The following ULK1 variants were observed in gnomAD, a reference collection of about 807,000 sequenced individuals.
ULK1 encodes the protein unc-51 like autophagy activating kinase 1.
Under a neutral mutation model 117.5 loss-of-function variants are expected in ULK1, and 48 were observed. The ratio of observed to expected loss-of-function variants is 0.41; its 90% CI spans 0.32 to 0.52. The LOEUF (loss-of-function observed/expected upper bound fraction) is 0.52. Among genes scored for constraint, ULK1 ranks in the 20% least tolerant of loss-of-function variants. The pLI, the probability that ULK1 is intolerant of heterozygous loss-of-function variation, is 0.29. For missense variants in ULK1, 1,387 were observed against 1,473.4 expected, an observed-to-expected ratio of 0.94 and a Z score of 0.96; for synonymous variants, 790 against 637.8, an observed-to-expected ratio of 1.24 and a Z score of -3.60.
chr12:131,906,675 T>C, intron 3 of ULK1: 1 of 611,398 alleles, frequency 1.6e-6, no homozygotes, highest in Non-Finnish European at 2.9e-6. Flanking sequence ...CCAGGGGCCT[T>C]TGCCTTGATC....
chr12:131,919,968 G>A lies in ULK1; in HGVS notation c.2804-11G>A, dbSNP rs368209587. Reference sequence around the variant, plus strand: ...GCTGCACCCTGAGCTGACCACCCTCGTCCTTTGCAGTGGTGCGCAGGCTGA... The same window carrying A: ...GCTGCACCCTGAGCTGACCACCCTCATCCTTTGCAGTGGTGCGCAGGCTGA... On this transcript the variant is annotated splice_polypyrimidine_tract_variant and intron_variant, in intron 25 of 27. Coordinates refer to ENST00000321867, the MANE Select transcript of ULK1 (RefSeq NM_003565.4). 62 of 1,610,656 alleles carry A rather than the reference G, an allele frequency of 3.8e-5. No individual in the cohort carries two copies. Among genetic ancestry groups the A allele is most frequent in the Admixed American group, 1.3e-4 (8 of 59,938 alleles).
rs765947806 is a variant in ULK1 at position 131,917,538 on chromosome 12, C to G, written c.2310C>G (p.Arg770=). The G allele has an allele frequency of 1.4e-6, 2 of 1,439,266 alleles. No individual in the cohort carries two copies. The highest frequency in any genetic ancestry group is 5.2e-5 in the Admixed American group (2 of 38,412). The allele number at this position is 1,439,266 out of a possible 1,614,324, so 89.2% of individuals were successfully genotyped here. A position where few individuals can be genotyped will look rare whatever the true frequency, so the allele number is the denominator to read the frequency against. Residue 770 remains arginine, a synonymous_variant, in exon 22 of 28, where the codon CGC becomes CGG. Transcript: ENST00000321867. ...PSGSTPPQGP[R]TRMFSAGPTG... ...GGAGCACGCCCCCCCAGGGCCCCCG[C>G]ACCAGGATGTTCTCAGGTGAGGGCT...
rs1890152106 is a variant in ULK1 at position 131,921,555 on chromosome 12, C to T, written c.*194C>T. 2 of 765,210 alleles carry T rather than the reference C, an allele frequency of 2.6e-6. No individual in the cohort carries two copies. The highest frequency in any genetic ancestry group is 2.6e-5 in the East Asian group (1 of 38,770). The allele number at this position is 765,210 out of a possible 1,614,324, so 47.4% of individuals were successfully genotyped here. On this transcript the variant is annotated 3_prime_UTR_variant, in exon 28 of 28. Transcript: ENST00000321867. ...AACCAGCACATCTGGAGCCACACAG[C>T]TTGGGGGGTGTCTCCCATCTTTTAC...
chr12:131,899,891 G>A (rs543232080), intron 3 of ULK1, among the ~76,000 whole-genome samples: 34 of 152,266 alleles, frequency 2.2e-4, no homozygotes, highest in African/African-American at 7.7e-4. Context: ...AGGCTGAGGC[G>A]GGTGGATCAT....
At chr12:131,916,349 A>G (rs1889782247) in intron 19 of ULK1, 49 bp from the exon 20 acceptor site, 3 of 1,526,696 alleles carry the variant, frequency 2.0e-6, no homozygotes, top group Non-Finnish European at 2.6e-6. Context: ...ACCGGGCCCC[A>G]GGGCTGCAGA....
At chr12:131,918,253 T>G in intron 22 of ULK1, 1 of 564,020 alleles carries the variant, frequency 1.8e-6, no homozygotes, top group Non-Finnish European at 3.1e-6. Context: ...GGTCCCTTGG[T>G]GGGCACCGCA....
At position 131,912,081 on chromosome 12, in the gene ULK1, A is replaced by C; in HGVS notation, c.1088A>C (p.Gln363Pro). 2 of 1,611,766 alleles carry C rather than the reference A, an allele frequency of 1.2e-6. No individual in the cohort carries two copies. Among genetic ancestry groups the C allele is most frequent in the Non-Finnish European group, 8.5e-7 (1 of 1,179,392 alleles). The change falls in exon 13 of 28, where the codon CAG becomes CCG. Residue 363 changes from glutamine to proline, a missense_variant. Gln to Pro is a moderately conservative substitution (Grantham distance 76, BLOSUM62 -1). Around this residue, in one of 4 missense-constraint regions of ULK1, gnomAD observed 260 missense variants for 271.6 expected, o/e 0.96. Transcript: ENST00000321867. The part of the protein sequence containing the change: ...DTDDFVMVPA[Q>P]FPGDLVAEAP... ...GACGACTTCGTCATGGTCCCCGCGC[A>C]GTTTCCAGGTCAGGGGGCACGCTGG...
intron 15 of ULK1, 151 bp from the exon 16 acceptor site, chr12:131,914,201 C>T (rs554256347): frequency 1.6e-5 from 21 of 1,283,838 alleles, no homozygotes; most frequent in Admixed American, 2.3e-5. Flanking sequence ...GCATGGAAGC[C>T]GGCTCTTTTC....
intron 12 of ULK1, among the ~76,000 whole-genome samples, chr12:131,911,297 G>A (rs1385232370): frequency 6.6e-6 from 1 of 152,214 alleles, no homozygotes; most frequent in Admixed American, 6.5e-5. Context: ...TGGTGGTGAT[G>A]AGTTCATGTC....
At position 131,913,187 on chromosome 12, in the gene ULK1, T is replaced by C; in HGVS notation, c.1097-11T>C. The C allele has an allele frequency of 3.8e-6, 6 of 1,566,278 alleles. No homozygotes were observed. Among genetic ancestry groups the C allele is most frequent in the East Asian group, 4.9e-5 (2 of 40,934 alleles). On this transcript the variant is annotated splice_polypyrimidine_tract_variant and intron_variant, in intron 13 of 27. Transcript: ENST00000321867. Reference sequence around the variant, plus strand: ...CAAGGACTCCAGGCCCAGCCTTGTCTCCCCCTGCAGGTGACCTGGTGGCTG... The same window carrying C: ...CAAGGACTCCAGGCCCAGCCTTGTCCCCCCCTGCAGGTGACCTGGTGGCTG...
Position 131,918,521 on chromosome 12 carries a change from C to T in ULK1, c.2351C>T (p.Ser784Phe). Reference protein sequence around the residue: ...FSAGPTGSASSSARHLVPGPC... With the variant: ...FSAGPTGSASFSARHLVPGPC... ...GCGGGCCCCACTGGCTCTGCCAGCT[C>T]TTCTGCCCGCCACCTGGTGCCTGGG... The change falls in exon 23 of 28, where the codon TCT becomes TTT. Residue 784 changes from serine (S) to phenylalanine (F), a missense_variant. Around this residue, in one of 4 missense-constraint regions of ULK1, gnomAD observed 900 missense variants for 858.9 expected, o/e 1.05. Coordinates refer to ENST00000321867, the MANE Select transcript of ULK1 (RefSeq NM_003565.4). 1 of 1,610,630 alleles carries T rather than the reference C, an allele frequency of 6.2e-7. No individual in the cohort carries two copies. Among genetic ancestry groups the T allele is most frequent in the Non-Finnish European group, 8.5e-7 (1 of 1,179,050 alleles).
Position 131,918,629 on chromosome 12 carries a change from AGG to A in ULK1, c.2463_2464del (p.Ala822CysfsTer10). On this transcript the variant is annotated frameshift_variant, in exon 23 of 28. Coordinates refer to ENST00000321867, the MANE Select transcript of ULK1 (RefSeq NM_003565.4). LOFTEE classifies it high-confidence loss of function. ...GCCGACCCCATTACTGCGAACCTGGAGGGGGCTGTGACCTTCGAGGCCCCCGA... is the reference window on the plus strand; with the variant it reads ...GCCGACCCCATTACTGCGAACCTGGAGGGCTGTGACCTTCGAGGCCCCCGA... The A allele has an allele frequency of 1.2e-6, 2 of 1,609,718 alleles. No individual in the cohort carries two copies. Among genetic ancestry groups the A allele is most frequent in the Non-Finnish European group, 1.7e-6 (2 of 1,178,608 alleles).
chr12:131,912,475 C>T (rs529891883), intron 13 of ULK1, among the ~76,000 whole-genome samples: 1 of 152,230 alleles, frequency 6.6e-6, no homozygotes, highest in South Asian at 2.1e-4. Flanking sequence ...GGGGAACCCC[C>T]CGCTCCATAA....
Position 131,919,299 on chromosome 12 carries a change from G to A in ULK1, c.2599G>A (p.Ala867Thr), listed in dbSNP as rs749557375. Residue 867 changes from alanine to threonine, a missense_variant, in exon 24 of 28, where the codon GCC (alanine) becomes ACC (threonine). Coordinates refer to ENST00000321867, the MANE Select transcript of ULK1 (RefSeq NM_003565.4). Reference protein sequence around the residue: ...VLEIAALKGSASEAAGGPEYQ... With the variant: ...VLEIAALKGSTSEAAGGPEYQ... ...GGAGATCGCAGCCCTGAAGGGCAGC[G>A]CCAGTGAGGCGGCGGGGGGCCCTGA... The A allele has an allele frequency of 1.6e-5, 26 of 1,594,626 alleles. No homozygotes were observed. In the East Asian group the frequency reaches 3.1e-4, roughly 19 times the overall value.
intron 4 of ULK1, 103 bp from the exon 5 acceptor site, chr12:131,907,392 C>T: frequency 4.1e-6 from 6 of 1,463,776 alleles, no homozygotes; most frequent in Non-Finnish European, 5.6e-6. Flanking sequence ...TGCCTGCGGG[C>T]TCAGGGAGTA....
At chr12:131,905,508 G>A (rs548986791) in intron 3 of ULK1, among the ~76,000 whole-genome samples, 1 of 152,198 alleles carries the variant, frequency 6.6e-6, no homozygotes, top group Non-Finnish European at 1.5e-5. Flanking sequence ...AAGTGGGATG[G>A]CCCTACAACA....
chr12:131,903,274 G>C lies in ULK1; in HGVS notation c.247-3618G>C, dbSNP rs967300812. Among the ~76,000 whole-genome samples, 3 of 152,206 alleles carry C rather than the reference G, an allele frequency of 2.0e-5. No homozygotes were observed. Among genetic ancestry groups the C allele is most frequent in the African/African-American group, 4.8e-5 (2 of 41,450 alleles). On this transcript the variant is annotated intron_variant, in intron 3 of 27. Coordinates refer to ENST00000321867, the MANE Select transcript of ULK1 (RefSeq NM_003565.4). This position sits in a 1 kb window ranked among gnomAD's most constrained non-coding sequence, Gnocchi z 6.0. ...CTCATCCCTGACTCTGCCAGGGTTG[G>C]AGACAGCAAGGCTAGGTCCTTCCGG... is the stretch of plus-strand genomic sequence containing the variant.
intron 21 of ULK1, 47 bp from the exon 22 acceptor site, chr12:131,917,364 G>A (rs1223003659): frequency 3.6e-6 from 5 of 1,396,130 alleles, no homozygotes; most frequent in East Asian, 2.7e-5. Context: ...GTGGGATGGG[G>A]GTCGGCGGGA....
chr12:131,916,684 G>A, intron 20 of ULK1, 93 bp downstream of exon 20: 1 of 1,383,506 alleles, frequency 7.2e-7, no homozygotes, highest in Non-Finnish European at 9.5e-7. Flanking sequence ...GGTAGAACAG[G>A]AAAAGCCCAG....
Sources: allele counts gnomAD v4.1 joint callset (sites outside exome capture counted in the v4.1 genomes callset), GRCh38; gene constraint gnomAD v4.1.1; regional missense constraint gnomAD v4.1.1; non-coding constraint Gnocchi (gnomAD v3.1); transcripts MANE v1.5; gene names NCBI Gene and HGNC (gene_info 2026-07-23, HGNC 2026-07-21).